RGS12: variants seen among roughly 807,000 people sequenced by gnomAD.
RGS12 encodes the protein regulator of G protein signaling 12.
Under a neutral mutation model 120.1 loss-of-function variants are expected in RGS12, and 66 were observed. That is an observed-to-expected ratio of 0.55 (90% CI 0.45 to 0.67). The LOEUF is 0.67. Among genes scored for constraint, RGS12 ranks in the 30% least tolerant of loss-of-function variants. The pLI, the probability that RGS12 is intolerant of heterozygous loss-of-function variation, is 0.00. For synonymous variants in RGS12, 827 were observed against 804.7 expected (o/e 1.03, Z -0.47); for missense variants, 1,859 against 1,957.7 (o/e 0.95, Z 0.95).
Position 3,366,548 on chromosome 4 carries a change from A to G in RGS12, c.1999-19868A>G, listed in dbSNP as rs1407119750. Among the ~76,000 whole-genome samples, 2 of 152,186 alleles carry G rather than the reference A, an allele frequency of 1.3e-5. No individual in the cohort carries two copies. The highest frequency in any genetic ancestry group is 4.8e-5 in the African/African-American group (2 of 41,446). The stretch of plus-strand genomic sequence containing the variant: ...GGTGGTCCGGCCCCGTGAAGGAGGC[A>G]GCAGGGCTTGCGGCCGGGATCCACC... On this transcript the variant is annotated intron_variant, in intron 3 of 17. Transcript: ENST00000336727. This position sits in a 1 kb window ranked among gnomAD's most constrained non-coding sequence, Gnocchi z 4.0.
intron 17 of RGS12, among the ~76,000 whole-genome samples, chr4:3,436,899 C>A (rs565416907): frequency 6.6e-6 from 1 of 151,956 alleles, no homozygotes; most frequent in Non-Finnish European, 1.5e-5. Flanking sequence ...CGTGGGGCGC[C>A]GGGGAGAGGT....
At chr4:3,409,750 G>A (rs1721533902) in intron 4 of RGS12, among the ~76,000 whole-genome samples, 1 of 152,220 alleles carries the variant, frequency 6.6e-6, no homozygotes, top group Non-Finnish European at 1.5e-5. Context: ...AGGAGCAAAA[G>A]CGTCAGCAAC....
chr4:3,316,635 C>A lies in RGS12; in HGVS notation c.465C>A (p.Ser155Arg). ...GIFNMIFENP[S>R]LCASNSEPLK... is the part of the protein sequence containing the mutation. ...TCAATATGATTTTTGAAAACCCGAG[C>A]CTTTGTGCGAGCAATTCAGAGCCCT... The change falls in exon 2 of 18, where the codon AGC (serine) becomes AGA (arginine). Residue 155 changes from serine (S) to arginine (R), a missense_variant. By Grantham distance (110) the Ser-to-Arg change is moderately radical (BLOSUM62 -1). Around this residue, in one of 3 missense-constraint regions of RGS12, gnomAD observed 967 missense variants for 994.2 expected, o/e 0.97. Coordinates refer to ENST00000336727, the MANE Select transcript of RGS12 (RefSeq NM_001394154.1). 1 of 1,614,080 alleles carries A rather than the reference C, an allele frequency of 6.2e-7. No individual in the cohort carries two copies. The highest frequency in any genetic ancestry group is 2.2e-5 in the East Asian group (1 of 44,876).
chr4:3,359,626 T>TG (rs1715366698), intron 3 of RGS12, among the ~76,000 whole-genome samples: 2 of 131,410 alleles, frequency 1.5e-5, no homozygotes, highest in Non-Finnish European at 3.2e-5. Flanking sequence ...TTTTCTTTTC[T>TG]TTTTTTTTTT....
At chr4:3,355,448 G>A (rs1275382541) in intron 3 of RGS12, among the ~76,000 whole-genome samples, 3 of 152,094 alleles carry the variant, frequency 2.0e-5, no homozygotes, top group South Asian at 2.1e-4. Context: ...AAGTGAAAAT[G>A]TTACTGTTCT....
In RGS12 at chr4:3,375,842, C is replaced by G. The variant is rs574615203; in HGVS notation, c.1999-10574C>G. 8.5e-4 allele frequency among the ~76,000 whole-genome samples: 130 copies of G among 152,376 alleles called. 1 individual carries two copies. In the Middle Eastern group the frequency reaches 0.014, roughly 16 times the overall value. The stretch of plus-strand genomic sequence containing the variant: ...CCCTGTCCAGAACCTCTCAGCACAG[C>G]TGACTTTTACACTCATCTTTCCTTG... On this transcript the variant is annotated intron_variant, in intron 3 of 17. Transcript: ENST00000336727.
rs185499056 is a variant in RGS12, at chr4:3,400,154, C to T, written c.2020+13717C>T. Among the ~76,000 whole-genome samples, 7 of 152,336 alleles carry T rather than the reference C, an allele frequency of 4.6e-5. No individual in the cohort carries two copies. The East Asian group carries it at 1.3e-3, about 29-fold the overall frequency. On this transcript the variant is annotated intron_variant, in intron 4 of 17. Coordinates refer to ENST00000336727, the MANE Select transcript of RGS12 (RefSeq NM_001394154.1). ...TTCTCACCTCAGTTTGCAAGACTGG[C>T]ATATTCCTGATACCAATATTGGAGA...
chr4:3,369,907 A>C, intron 3 of RGS12: 1 of 529,468 alleles, frequency 1.9e-6, no homozygotes, highest in East Asian at 9.2e-5. Flanking sequence ...GCTGTAATTA[A>C]GGTTGTGAAC....
intron 3 of RGS12, among the ~76,000 whole-genome samples, chr4:3,383,660 T>A (rs913518331): frequency 9.9e-5 from 15 of 152,248 alleles, no homozygotes; most frequent in Admixed American, 1.3e-4. Flanking sequence ...TCCATAAATT[T>A]AAAGCTGTTT....
At position 3,317,873 on chromosome 4, in the gene RGS12, A is replaced by G. The variant is rs201398861; in HGVS notation, c.1703A>G (p.Asn568Ser). The change falls in exon 2 of 18, where the codon AAC becomes AGC. Residue 568 changes from asparagine (N) to serine (S), a missense_variant. Asn to Ser is a conservative substitution (Grantham distance 46). Coordinates refer to ENST00000336727, the MANE Select transcript of RGS12 (RefSeq NM_001394154.1). ...TCCACCGATGGCTGGTCCAGCATCA[A>G]CTGCGGCACACTGCCCCCTCCTATG... ...TDSTDGWSSI[N>S]CGTLPPPMSK... The G allele has an allele frequency of 2.5e-6, 4 of 1,613,822 alleles. No homozygotes were observed. The highest frequency in any genetic ancestry group is 1.3e-5 in the African/African-American group (1 of 75,072).
intron 2 of RGS12, among the ~76,000 whole-genome samples, chr4:3,340,925 G>A (rs138540399): frequency 1.3e-5 from 2 of 152,124 alleles, no homozygotes; most frequent in Admixed American, 1.3e-4. Context: ...TGACACCTGT[G>A]TTGGCCGGTC....
chr4:3,292,748 G>T (rs912637528), upstream of RGS12, among the ~76,000 whole-genome samples: 1 of 152,214 alleles, frequency 6.6e-6, no homozygotes, highest in Non-Finnish European at 1.5e-5. Context: ...GGTACACACC[G>T]TGCGCACCAG....
At chr4:3,431,041 C>A in intron 17 of RGS12, 86 bp downstream of exon 17, 1 of 1,520,060 alleles carries the variant, frequency 6.6e-7, no homozygotes, top group Non-Finnish European at 8.8e-7. Flanking sequence ...GGGCCCCCGG[C>A]TGCCACTGTT....
intron 3 of RGS12, among the ~76,000 whole-genome samples, chr4:3,383,460 A>G (rs189847575): frequency 1.2e-4 from 18 of 152,252 alleles, no homozygotes; most frequent in Non-Finnish European, 2.2e-4. Context: ...TACACAAAGT[A>G]GCTGAGCATG....
chr4:3,360,275 A>C (rs1188318907), intron 3 of RGS12, among the ~76,000 whole-genome samples: 2 of 152,196 alleles, frequency 1.3e-5, no homozygotes, highest in East Asian at 3.8e-4. Flanking sequence ...TTCATTGAGC[A>C]AAGGATTTGT....
At position 3,363,249 on chromosome 4, in the gene RGS12, T is replaced by C. The variant is rs139335217; in HGVS notation, c.1998+20196T>C. Among the ~76,000 whole-genome samples the C allele has an allele frequency of 3.7e-3, 564 of 152,208 alleles. 4 individuals are homozygous for C. Among genetic ancestry groups the C allele is most frequent in the East Asian group, 0.022 (116 of 5,192 alleles). ...TTCTTACCCCATAAATCCTAGTGTT[T>C]TTGGAATTATTTCTGCAAAGTGGCA... On this transcript the variant is annotated intron_variant, in intron 3 of 17. Transcript: ENST00000336727.
intron 4 of RGS12, among the ~76,000 whole-genome samples, chr4:3,406,037 A>G (rs758589924): frequency 2.0e-5 from 3 of 152,136 alleles, no homozygotes; most frequent in East Asian, 1.9e-4. Flanking sequence ...ATTTAGCTGC[A>G]CTGATAGTGC....
Position 3,338,748 on chromosome 4 carries a change from CAG to C in RGS12, c.1882-4187_1882-4186del, listed in dbSNP as rs1230366610. 2.6e-5 allele frequency among the ~76,000 whole-genome samples: 4 copies of C among 152,324 alleles called. No individual in the cohort carries two copies. The East Asian group carries it at 5.8e-4, about 22-fold the overall frequency. ...GTGCCCTGGGGGCCACCTGTCTTCT[CAG>C]ACAGTCGTGAGGAGTCTTCTCAACT... On this transcript the variant is annotated intron_variant, in intron 2 of 17. Transcript: ENST00000336727.
Position 3,316,280 on chromosome 4 carries a change from C to T in RGS12, c.110C>T (p.Ser37Leu), listed in dbSNP as rs201540584. 6.9e-5 allele frequency: 111 copies of T among 1,613,930 alleles called. No homozygotes were observed. The highest frequency in any genetic ancestry group is 8.2e-5 in the Non-Finnish European group (97 of 1,179,898). The change falls in exon 2 of 18, where the codon TCG (serine) becomes TTG (leucine). Residue 37 changes from serine (S) to leucine (L), a missense_variant. Coordinates refer to ENST00000336727, the MANE Select transcript of RGS12 (RefSeq NM_001394154.1). The part of the protein sequence containing the change: ...RGRAGYGFTL[S>L]GQAPCVLSCV... ...AGGGCCGGCTACGGATTCACGCTTT[C>T]GGGACAGGCACCCTGTGTGCTCAGC... is the stretch of plus-strand genomic sequence containing the variant.
Sources: gnomAD v4.1 joint callset for allele counts (sites outside exome capture counted in the v4.1 genomes callset) on GRCh38, gnomAD v4.1.1 for gene constraint, gnomAD v4.1.1 regional missense constraint, Gnocchi (gnomAD v3.1) non-coding constraint, MANE v1.5 for transcripts, NCBI Gene and HGNC (gene_info 2026-07-23, HGNC 2026-07-21) for gene names.